Variants in RELCH observed in about 807,000 individuals in gnomAD.
RELCH encodes the protein RAB11-binding protein RELCH.
In RELCH, 41 loss-of-function variants were observed where a neutral mutation model predicts 150.3. That is an observed-to-expected ratio of 0.27 (90% confidence interval 0.21 to 0.35). The LOEUF (loss-of-function observed/expected upper bound fraction) is 0.35. Among genes scored for constraint, RELCH ranks in the 10% least tolerant of loss-of-function variants. The pLI, the probability that RELCH is intolerant of heterozygous loss-of-function variation, is 1.00. For synonymous variants in RELCH, 478 were observed against 531.8 expected (o/e 0.90, Z 1.39); for missense variants, 1,092 against 1,467.8 (o/e 0.74, Z 4.18).
chr18:62,245,733 G>T, intron 11 of RELCH: 1 of 151,850 alleles, frequency 6.6e-6, no homozygotes, highest in Non-Finnish European at 1.5e-5. Context: ...TCAATTTCTT[G>T]TAAAAATGTA....
rs369045012 is a variant in RELCH, at chr18:62,307,900, T to C, written c.*2366T>C. 2.0e-5 allele frequency: 3 copies of C among 152,342 alleles called. No homozygotes were observed. The East Asian group carries it at 5.8e-4, about 29-fold the overall frequency. 9.4% of individuals were successfully genotyped at this position (152,342 alleles called of 1,614,324 possible). On this transcript the variant is annotated 3_prime_UTR_variant, in exon 29 of 29. Transcript: ENST00000644646. ...TGCTTGAATGATGGCAGTATCTATC[T>C]CTATACATAGGTGTCTATGACCTTC...
intron 2 of RELCH, among the ~76,000 whole-genome samples, chr18:62,217,774 G>A (rs1368795062): frequency 6.6e-6 from 1 of 151,930 alleles, no homozygotes; most frequent in Non-Finnish European, 1.5e-5. Flanking sequence ...GTCTAAGGAT[G>A]ATACATGGAT....
In RELCH at chr18:62,267,460, AATAT is replaced by A. The variant is rs568371091; in HGVS notation, c.2680+719_2680+722del. Among the ~76,000 whole-genome samples, 412 of 131,458 alleles carry A rather than the reference AATAT, an allele frequency of 3.1e-3. 3 individuals carry two copies. The highest frequency in any genetic ancestry group is 0.01 in the African/African-American group (393 of 38,242). 86.2% of individuals were successfully genotyped at this position (131,458 alleles called of 152,430 possible). ...TGTGTGTGTGTGTGTGTGTGTATAG[AATAT>A]ATATATAGTCTAGGTATATATGTGT... On this transcript the variant is annotated intron_variant, in intron 19 of 28. Coordinates refer to ENST00000644646, the MANE Select transcript of RELCH (RefSeq NM_001346231.2).
chr18:62,218,073 C>T (rs77903229), intron 2 of RELCH, among the ~76,000 whole-genome samples: 5,174 of 151,760 alleles, frequency 0.034, 285 homozygotes, highest in African/African-American at 0.12. Flanking sequence ...ATTTTAGGGA[C>T]GGGTTTTTAT....
chr18:62,275,351 CTGTT>C lies in RELCH; in HGVS notation c.2868-21_2868-18del. On this transcript the variant is annotated intron_variant, in intron 21 of 28. Transcript: ENST00000644646. ...GGGACTGTGGCTCTCAATTTTAACA[CTGTT>C]TTTTTTTTTTTCTTCTAGTGCAAAC... is the stretch of plus-strand genomic sequence containing the variant. The C allele has an allele frequency of 7.9e-7, 1 of 1,261,886 alleles. No homozygotes were observed. 78.2% of individuals were successfully genotyped at this position (1,261,886 alleles called of 1,614,324 possible).
At chr18:62,299,217 T>A (rs1240157133) in intron 28 of RELCH, among the ~76,000 whole-genome samples, 38 of 152,196 alleles carry the variant, frequency 2.5e-4, no homozygotes. Flanking sequence ...AGTTGTAAGA[T>A]GAACAACGTA....
At chr18:62,189,857 T>A (rs187818174) in intron 1 of RELCH, among the ~76,000 whole-genome samples, 18 of 152,360 alleles carry the variant, frequency 1.2e-4, no homozygotes, top group Admixed American at 2.0e-4. Context: ...AGTCTTATGA[T>A]CAAATATCAC....
At chr18:62,273,858 A>C in intron 20 of RELCH, 122 bp from the exon 21 acceptor site, 1 of 628,974 alleles carries the variant, frequency 1.6e-6, no homozygotes, top group Non-Finnish European at 2.8e-6. Context: ...TAATTAAAAT[A>C]GCTTCCAAAT....
chr18:62,272,122 T>C (rs1270182208), intron 20 of RELCH, among the ~76,000 whole-genome samples: 2 of 152,170 alleles, frequency 1.3e-5, no homozygotes, highest in Admixed American at 6.6e-5. Flanking sequence ...TTTCTAATAC[T>C]ACCCTGATAT....
intron 10 of RELCH, among the ~76,000 whole-genome samples, chr18:62,236,627 T>C (rs1247110128): frequency 6.6e-6 from 1 of 151,904 alleles, no homozygotes; most frequent in Admixed American, 6.6e-5. Context: ...TAGTATTAAC[T>C]TATATCTTTT....
At chr18:62,189,635 T>G (rs2038470547) in intron 1 of RELCH, among the ~76,000 whole-genome samples, 1 of 152,248 alleles carries the variant, frequency 6.6e-6, no homozygotes, top group African/African-American at 2.4e-5. Context: ...GGTAACTTTA[T>G]TCATTTAATT....
intron 22 of RELCH, chr18:62,277,935 A>G: frequency 1.3e-6 from 1 of 744,028 alleles, no homozygotes; most frequent in Non-Finnish European, 1.6e-6. Flanking sequence ...ACTTTAAGTC[A>G]GATGGGACAG....
At position 62,236,887 on chromosome 18, in the gene RELCH, A is replaced by G. The variant is rs1339816223; in HGVS notation, c.1620+4460A>G. On this transcript the variant is annotated intron_variant, in intron 10 of 28. Transcript: ENST00000644646. ...TTTGATCTTTCTGTAGTTCCATAAG[A>G]TATTGAATTACTGACTTGAGATCTT... 2.0e-5 allele frequency among the ~76,000 whole-genome samples: 3 copies of G among 151,590 alleles called. No individual in the cohort carries two copies. The East Asian group carries it at 5.8e-4, about 29-fold the overall frequency.
chr18:62,201,873 T>G (rs1442847837), intron 1 of RELCH, among the ~76,000 whole-genome samples: 1 of 152,200 alleles, frequency 6.6e-6, no homozygotes, highest in Non-Finnish European at 1.5e-5. Flanking sequence ...ATTTGGTTCT[T>G]AAAGTGCCAT....
Position 62,305,552 on chromosome 18 carries a change from C to CT in RELCH, c.*18_*19insT. The CT allele has an allele frequency of 6.3e-7, 1 of 1,599,614 alleles. No homozygotes were observed. Among genetic ancestry groups the CT allele is most frequent in the Non-Finnish European group, 8.5e-7 (1 of 1,174,196 alleles). On this transcript the variant is annotated 3_prime_UTR_variant, in exon 29 of 29. Transcript: ENST00000644646. The surrounding 1 kb of genome is among the most constrained non-coding windows in gnomAD (Gnocchi z 4.0). Reference sequence around the variant, plus strand: ...AGAAGTAGAAGCAGGAAAGAAGCCCCCAGTAAACACTAAGATGGACCTCAA... The same window carrying CT: ...AGAAGTAGAAGCAGGAAAGAAGCCCCTCAGTAAACACTAAGATGGACCTCAA...
intron 19 of RELCH, among the ~76,000 whole-genome samples, chr18:62,267,403 T>G (rs2043622712): frequency 6.6e-6 from 1 of 151,024 alleles, no homozygotes; most frequent in African/African-American, 2.4e-5. Flanking sequence ...TCTCTATATA[T>G]AGAATATATA....
chr18:62,267,514 G>GTT (rs2043649142), intron 19 of RELCH, among the ~76,000 whole-genome samples: 1 of 127,748 alleles, frequency 7.8e-6, no homozygotes, highest in Non-Finnish European at 1.7e-5. Flanking sequence ...GTGTGTGTGT[G>GTT]TGTGTATACA....
intron 12 of RELCH, among the ~76,000 whole-genome samples, chr18:62,253,985 A>G (rs1272238781): frequency 6.6e-6 from 1 of 152,144 alleles, no homozygotes; most frequent in Non-Finnish European, 1.5e-5. Context: ...AAGCTTCACT[A>G]CAATCAGTTT....
At chr18:62,271,168 C>T (rs1400947525) in intron 20 of RELCH, among the ~76,000 whole-genome samples, 1 of 152,226 alleles carries the variant, frequency 6.6e-6, no homozygotes, top group Non-Finnish European at 1.5e-5. Flanking sequence ...AATTGCCACA[C>T]TGTCTTCCAC....
Sources: gnomAD v4.1 joint callset for allele counts (sites outside exome capture counted in the v4.1 genomes callset) on GRCh38, gnomAD v4.1.1 for gene constraint, Gnocchi (gnomAD v3.1) non-coding constraint, MANE v1.5 for transcripts, NCBI Gene and HGNC (gene_info 2026-07-23, HGNC 2026-07-21) for gene names.